The following SYNPO2 variants were observed in gnomAD, a reference collection of about 807,000 sequenced individuals.
SYNPO2 encodes synaptopodin-2.
SYNPO2 carries 56 observed loss-of-function variants against 85.0 expected under a neutral mutation model. The observed-to-expected ratio is 0.66, with a 90% confidence interval of 0.53 to 0.82. SYNPO2 has a LOEUF of 0.82. Among genes scored for constraint, SYNPO2 ranks in the 40% least tolerant of loss-of-function variants. The pLI is 0.00. For missense variants in SYNPO2, 1,575 were observed against 1,534.2 expected, an observed-to-expected ratio of 1.03 and a Z score of -0.44; for synonymous variants, 602 against 591.1, an observed-to-expected ratio of 1.02 and a Z score of -0.27.
chr4:119,029,075 T>C (rs1738099939), intron 3 of SYNPO2, among the ~76,000 whole-genome samples: 2 of 152,092 alleles, frequency 1.3e-5, no homozygotes, highest in Non-Finnish European at 2.9e-5. Flanking sequence ...AGGTTTATTC[T>C]TGCTGCAAGG....
intron 1 of SYNPO2, among the ~76,000 whole-genome samples, chr4:118,970,352 G>A (rs1438023290): frequency 6.6e-6 from 1 of 152,148 alleles, no homozygotes; most frequent in Admixed American, 6.6e-5. Context: ...GCTATCATAT[G>A]TGCCAATCAA....
At chr4:119,015,818 T>G (rs967834460) in intron 1 of SYNPO2, among the ~76,000 whole-genome samples, 1 of 152,214 alleles carries the variant, frequency 6.6e-6, no homozygotes, top group Admixed American at 6.5e-5. Context: ...TATGAGAGTT[T>G]TTTACACCTT....
chr4:118,874,817 C>A (rs946283450), intron 1 of SYNPO2, among the ~76,000 whole-genome samples: 2 of 152,030 alleles, frequency 1.3e-5, no homozygotes, highest in African/African-American at 4.8e-5. Context: ...CACAAACACA[C>A]AATGCTGCAA....
chr4:118,997,277 G>T (rs1316994561), intron 1 of SYNPO2, among the ~76,000 whole-genome samples: 1 of 151,180 alleles, frequency 6.6e-6, no homozygotes, highest in African/African-American at 2.4e-5. Context: ...AATGTAATGA[G>T]GTAGGGAAAC....
chr4:119,044,119 G>T (rs540562640), intron 4 of SYNPO2, among the ~76,000 whole-genome samples: 1 of 152,110 alleles, frequency 6.6e-6, no homozygotes, highest in East Asian at 1.9e-4. Context: ...AACTATATCT[G>T]GAATTAGTGT....
In SYNPO2 at chr4:119,060,240, C is replaced by CTA. The variant is rs1339853953; in HGVS notation, c.*2307_*2308dup. The CTA allele has an allele frequency of 6.6e-6, 1 of 152,086 alleles. No individual in the cohort carries two copies. The highest frequency in any genetic ancestry group is 1.5e-5 in the Non-Finnish European group (1 of 67,994). 9.4% of individuals were successfully genotyped at this position (152,086 alleles called of 1,614,324 possible). ...ACAGACTTCTCTCTCATTGCATGCA[C>CTA]TAGATCAATATTATCATCTGTATTA... On this transcript the variant is annotated 3_prime_UTR_variant, in exon 5 of 5. Transcript: ENST00000307142.
intron 1 of SYNPO2, among the ~76,000 whole-genome samples, chr4:118,899,228 T>C (rs1732642707): frequency 6.6e-6 from 1 of 152,190 alleles, no homozygotes; most frequent in South Asian, 2.1e-4. Flanking sequence ...ATATATAAAA[T>C]ATAGTATATA....
intron 4 of SYNPO2, chr4:119,037,238 C>T: frequency 1.3e-6 from 2 of 1,502,324 alleles, no homozygotes; most frequent in Non-Finnish European, 1.8e-6. Context: ...ACAAAGAAAT[C>T]CTGCTTTCAC....
In SYNPO2 at chr4:119,058,323, G is replaced by C. The variant is rs75773327; in HGVS notation, c.*389G>C. ...TCTTCATTGTACCTTAGTCCAGGAA[G>C]AAATTAATGGAATATGGTGTGCTAA... On this transcript the variant is annotated 3_prime_UTR_variant, in exon 5 of 5. Coordinates refer to ENST00000307142, the MANE Select transcript of SYNPO2 (RefSeq NM_133477.3). The C allele has an allele frequency of 6.2e-6, 1 of 161,590 alleles. No homozygotes were observed. The highest frequency in any genetic ancestry group is 1.8e-4 in the East Asian group (1 of 5,600). The allele number at this position is 161,590 out of a possible 1,614,324, so 10.0% of individuals were successfully genotyped here.
chr4:118,875,810 G>C (rs1731895239), intron 1 of SYNPO2, among the ~76,000 whole-genome samples: 1 of 152,230 alleles, frequency 6.6e-6, no homozygotes, highest in Non-Finnish European at 1.5e-5. Context: ...GCCCGTTAAT[G>C]TTTCCACACT....
chr4:118,933,273 A>T (rs1322160344), intron 1 of SYNPO2, among the ~76,000 whole-genome samples: 1 of 152,184 alleles, frequency 6.6e-6, no homozygotes, highest in Non-Finnish European at 1.5e-5. Flanking sequence ...TGCATCCTGG[A>T]ATTTTTATTG....
At chr4:118,933,367 G>A (rs1201101515) in intron 1 of SYNPO2, among the ~76,000 whole-genome samples, 1 of 152,204 alleles carries the variant, frequency 6.6e-6, no homozygotes, top group South Asian at 2.1e-4. Context: ...GGCTACTGAT[G>A]TGGGGTCTTA....
At chr4:119,036,810 A>C (rs1738530905) in intron 4 of SYNPO2, 1 of 1,020,740 alleles carries the variant, frequency 9.8e-7, no homozygotes, top group Non-Finnish European at 1.2e-6. Context: ...TGGAAATCAC[A>C]GCACTACTCA....
chr4:118,990,136 T>C (rs768392985), intron 1 of SYNPO2, among the ~76,000 whole-genome samples: 3 of 152,230 alleles, frequency 2.0e-5, no homozygotes, highest in Non-Finnish European at 4.4e-5. Flanking sequence ...ACTTGGATTT[T>C]TTTTTAGCCT....
intron 4 of SYNPO2, chr4:119,034,769 T>C (rs1738432915): frequency 1.0e-6 from 1 of 985,400 alleles, no homozygotes; most frequent in South Asian, 4.7e-5. Context: ...CCAGGGGCTA[T>C]ATGTGCCACC....
At chr4:118,927,772 TA>T (rs1733781792) in intron 1 of SYNPO2, among the ~76,000 whole-genome samples, 1 of 41,034 alleles carries the variant, frequency 2.4e-5, no homozygotes, top group African/African-American at 7.5e-5. Context: ...TATAGATAGA[TA>T]GATGATAGAT....
At chr4:119,015,135 A>G (rs1431239165) in intron 1 of SYNPO2, among the ~76,000 whole-genome samples, 1 of 152,216 alleles carries the variant, frequency 6.6e-6, no homozygotes, top group East Asian at 1.9e-4. Flanking sequence ...AAAGTATAGA[A>G]TTAGGAATCT....
At chr4:119,011,779 G>T (rs1054081983) in intron 1 of SYNPO2, among the ~76,000 whole-genome samples, 1 of 152,198 alleles carries the variant, frequency 6.6e-6, no homozygotes, top group Non-Finnish European at 1.5e-5. Context: ...GAGATACAAA[G>T]ATCTTTGTGT....
Position 119,058,625 on chromosome 4 carries a change from C to T in SYNPO2, c.*691C>T, listed in dbSNP as rs10015327. ...GAGTAGCTGGGATTACAGGCATGAACCACCACACCTGGATAATTTTTGTAT... is the reference window on the plus strand; with the variant it reads ...GAGTAGCTGGGATTACAGGCATGAATCACCACACCTGGATAATTTTTGTAT... On this transcript the variant is annotated 3_prime_UTR_variant, in exon 5 of 5. Transcript: ENST00000307142. 30,082 of 151,652 alleles carry T rather than the reference C, an allele frequency of 0.2. 3,903 individuals carry two copies. Among genetic ancestry groups the T allele is most frequent in the African/African-American group, 0.37 (15,089 of 41,224 alleles). The allele number at this position is 151,652 out of a possible 1,614,324, so 9.4% of individuals were successfully genotyped here. A position where few individuals can be genotyped will look rare whatever the true frequency, so the allele number is the denominator to read the frequency against.
Sources: allele counts gnomAD v4.1 joint callset (sites outside exome capture counted in the v4.1 genomes callset), GRCh38; gene constraint gnomAD v4.1.1; transcripts MANE v1.5; gene names NCBI Gene and HGNC (gene_info 2026-07-23, HGNC 2026-07-21).